R3HCC1: variants seen among roughly 807,000 people sequenced by gnomAD.
The protein encoded by R3HCC1 is R3H and coiled-coil domain-containing protein 1.
Under a neutral mutation model 40.0 loss-of-function variants are expected in R3HCC1, and 32 were observed. The ratio of observed to expected loss-of-function variants is 0.80; its 90% CI spans 0.60 to 1.07. The LOEUF is 1.07. Ranked by LOEUF, R3HCC1 falls within the 50% of genes least tolerant of loss-of-function variation. R3HCC1 has a pLI of 0.00. For missense variants in R3HCC1, 586 were observed against 563.3 expected (o/e 1.04, Z -0.41); for synonymous variants, 237 against 232.8 (o/e 1.02, Z -0.17).
chr8:23,290,946 A>C, intron 4 of R3HCC1: 1 of 209,298 alleles, frequency 4.8e-6, no homozygotes. Flanking sequence ...ATACATGAAG[A>C]ATGCAGACCA....
chr8:23,288,413 G>T, intron 1 of R3HCC1, 93 bp from the exon 2 acceptor site: 1 of 1,486,666 alleles, frequency 6.7e-7, no homozygotes, highest in Non-Finnish European at 9.0e-7. Flanking sequence ...GGACCAGAGG[G>T]TTTCTAAGGC....
chr8:23,291,592 C>G (rs1453127329), intron 5 of R3HCC1, 59 bp downstream of exon 5: 7 of 1,535,224 alleles, frequency 4.6e-6, no homozygotes, highest in Non-Finnish European at 1.8e-6. Flanking sequence ...TTCTCTGTAG[C>G]TGGGGGTGCT....
At chr8:23,293,280 C>T (rs1322297451) in intron 5 of R3HCC1, 23 bp from the exon 6 acceptor site, 1 of 1,545,036 alleles carries the variant, frequency 6.5e-7, no homozygotes, top group Non-Finnish European at 8.8e-7. Context: ...CCTGAATGTG[C>T]TGTCTCCTCT....
chr8:23,293,497 G>A (rs1370373296), intron 6 of R3HCC1, 124 bp downstream of exon 6: 3 of 720,196 alleles, frequency 4.2e-6, no homozygotes, highest in Admixed American at 2.8e-5. Flanking sequence ...AGGCTCTGGG[G>A]GTTTTGTTCC....
intron 4 of R3HCC1, 61 bp from the exon 5 acceptor site, chr8:23,291,300 C>T: frequency 6.6e-7 from 1 of 1,519,266 alleles, no homozygotes; most frequent in Non-Finnish European, 8.9e-7. Flanking sequence ...AGCGCGTGGG[C>T]TAGTGGTTTG....
chr8:23,288,760 G>A, intron 2 of R3HCC1, 127 bp downstream of exon 2: 1 of 1,185,424 alleles, frequency 8.4e-7, no homozygotes, highest in Admixed American at 2.4e-5. Context: ...TCTTTATAAC[G>A]CCAGCTGCCT....
At chr8:23,288,957 G>T (rs1802798664) in intron 2 of R3HCC1, 59 bp from the exon 3 acceptor site, 2 of 1,523,398 alleles carry the variant, frequency 1.3e-6, no homozygotes, top group East Asian at 4.9e-5. Context: ...CCTGGGAGTG[G>T]ACCTGGTAGG....
chr8:23,293,481 G>A (rs1802917164), intron 6 of R3HCC1, 108 bp downstream of exon 6: 1 of 868,028 alleles, frequency 1.2e-6, no homozygotes, highest in African/African-American at 1.7e-5. Flanking sequence ...GCTCAGCTGA[G>A]CCAGTAGGCT....
chr8:23,295,618 C>A, intron 7 of R3HCC1: 1 of 460,750 alleles, frequency 2.2e-6, no homozygotes, highest in South Asian at 1.8e-5. Flanking sequence ...ATATCCTGTC[C>A]GTAGGTCTGT....
chr8:23,293,060 T>C (rs1160124106), intron 5 of R3HCC1, among the ~76,000 whole-genome samples: 4 of 152,170 alleles, frequency 2.6e-5, no homozygotes, highest in African/African-American at 9.7e-5. Flanking sequence ...CTGGCTTCTT[T>C]AGTTCTAGAA....
intron 7 of R3HCC1, among the ~76,000 whole-genome samples, chr8:23,295,083 G>GGTCTCCCTTGGGGAGTGGC (rs1279412570): frequency 3.3e-5 from 5 of 152,096 alleles, no homozygotes. Context: ...CTGGGGCAGG[G>GGTCTCCCTTGGGGAGTGGC]GTCTCCCTTG....
rs1802825960 is a variant in R3HCC1, at chr8:23,289,992, C to T, written c.375C>T (p.Gly125=). The T allele has an allele frequency of 6.5e-7, 1 of 1,537,080 alleles. No individual in the cohort carries two copies. The highest frequency in any genetic ancestry group is 8.7e-7 in the Non-Finnish European group (1 of 1,146,930). ...CGGTTCCCCGAGGTGCCCGGGCTGG[C>T]CGGTGGTATCGTGGACGCAAGCCTG... The change falls in exon 4 of 8, where the codon GGC becomes GGT. Residue 125 remains glycine, a synonymous_variant. Coordinates refer to ENST00000265806, the MANE Select transcript of R3HCC1 (RefSeq NM_001136108.3).
rs767400055 is a variant in R3HCC1 at position 23,296,090 on chromosome 8, C to G, written c.1316C>G (p.Pro439Arg). 6 of 1,549,530 alleles carry G rather than the reference C, an allele frequency of 3.9e-6. No homozygotes were observed. Among genetic ancestry groups the G allele is most frequent in the Non-Finnish European group, 4.4e-6 (5 of 1,146,522 alleles). ...CGGCCTGCTGTCCGGGGTCCGCTGC[C>G]GCCCTGAGGCCTGGAGACCCAACTG... The change falls in exon 8 of 8, where the codon CCG becomes CGG. Residue 439 changes from proline to arginine, a missense_variant. By Grantham distance (103) the Pro-to-Arg change is moderately radical. Transcript: ENST00000265806.
Position 23,290,020 on chromosome 8 carries a change from C to T in R3HCC1, c.403C>T (p.Gln135Ter). The change falls in exon 4 of 8, where the codon CAG becomes TAG. Residue 135 changes from glutamine (Q) to a stop codon, truncating the protein, a stop_gained. Coordinates refer to ENST00000265806, the MANE Select transcript of R3HCC1 (RefSeq NM_001136108.3). LOFTEE classifies it high-confidence loss of function. ...GTGGTATCGTGGACGCAAGCCTGAC[C>T]AGCCTTTGTATGTGCCCCGGGTGCT... 6.5e-7 allele frequency: 1 copy of T among 1,540,460 alleles called. No homozygotes were observed. The highest frequency in any genetic ancestry group is 8.7e-7 in the Non-Finnish European group (1 of 1,146,898).
Position 23,295,929 on chromosome 8 carries a change from C to G in R3HCC1, c.1193-38C>G, listed in dbSNP as rs1048590287. The G allele has an allele frequency of 2.6e-6, 4 of 1,523,068 alleles. No individual in the cohort carries two copies. The African/African-American group carries it at 5.6e-5, about 21-fold the overall frequency. The allele number at this position is 1,523,068 out of a possible 1,614,324, so 94.3% of individuals were successfully genotyped here. ...TTGCTGGGGGAGAGGCAGCCACGAC[C>G]TTGTGTTTAGGTCCCCACTGTGGGG... On this transcript the variant is annotated intron_variant, in intron 7 of 7. Coordinates refer to ENST00000265806, the MANE Select transcript of R3HCC1 (RefSeq NM_001136108.3).
chr8:23,288,406 C>T, intron 1 of R3HCC1, 100 bp from the exon 2 acceptor site: 1 of 1,467,304 alleles, frequency 6.8e-7, no homozygotes, highest in Non-Finnish European at 9.2e-7. Context: ...GAGCCTTGGA[C>T]CAGAGGGTTT....
intron 7 of R3HCC1, 121 bp from the exon 8 acceptor site, chr8:23,295,846 C>T (rs796248347): frequency 5.9e-6 from 8 of 1,347,954 alleles, no homozygotes; most frequent in Non-Finnish European, 7.0e-6. Context: ...ACAGCTGGGC[C>T]GAGGCCCCAC....
chr8:23,294,009 A>T (rs774090603), intron 6 of R3HCC1, among the ~76,000 whole-genome samples: 2 of 152,070 alleles, frequency 1.3e-5, no homozygotes, highest in Non-Finnish European at 2.9e-5. Context: ...CGCCCCCTTT[A>T]CTGGTCTTCC....
Position 23,288,554 on chromosome 8 carries a change from C to A in R3HCC1, c.31C>A (p.Leu11Ile). 6.5e-7 allele frequency: 1 copy of A among 1,536,044 alleles called. No individual in the cohort carries two copies. The highest frequency in any genetic ancestry group is 8.7e-7 in the Non-Finnish European group (1 of 1,146,886). ...CCTTCTCTGCTTGGATGGTGTCTTC[C>A]TCTCCTCAGCCGAGAATGACTTCGT... The change falls in exon 2 of 8, where the codon CTC becomes ATC. Residue 11 changes from leucine (L) to isoleucine (I), a missense_variant. Coordinates refer to ENST00000265806, the MANE Select transcript of R3HCC1 (RefSeq NM_001136108.3).
Sources: allele counts gnomAD v4.1 joint callset (sites outside exome capture counted in the v4.1 genomes callset), GRCh38; gene constraint gnomAD v4.1.1; transcripts MANE v1.5; gene names NCBI Gene and HGNC (gene_info 2026-07-23, HGNC 2026-07-21).